PTPN4: variants seen among roughly 807,000 people sequenced by gnomAD.
The protein encoded by PTPN4 is tyrosine-protein phosphatase non-receptor type 4.
PTPN4 carries 49 observed loss-of-function variants against 135.5 expected under a neutral mutation model. The ratio of observed to expected loss-of-function variants is 0.36; its 90% CI spans 0.29 to 0.46. The LOEUF is 0.46. Ranked by LOEUF, PTPN4 falls within the 20% of genes least tolerant of loss-of-function variation. PTPN4 has a pLI of 1.00. For missense variants in PTPN4, 860 were observed against 1,101.0 expected (o/e 0.78, Z 3.10); for synonymous variants, 333 against 369.9 (o/e 0.90, Z 1.14).
chr2:119,765,874 C>T (rs2104916470), intron 1 of PTPN4, among the ~76,000 whole-genome samples: 2 of 151,690 alleles, frequency 1.3e-5, no homozygotes, highest in Middle Eastern at 6.8e-3. Context: ...ATGTCTGTCT[C>T]TGTCTGGGTG....
intron 4 of PTPN4, 44 bp from the exon 5 acceptor site, chr2:119,877,420 A>T: frequency 1.2e-6 from 2 of 1,608,260 alleles, no homozygotes; most frequent in Non-Finnish European, 1.7e-6. Flanking sequence ...AAGATAAAGG[A>T]TTAATATAGT....
At chr2:119,913,008 AT>A (rs1678596505) in intron 10 of PTPN4, among the ~76,000 whole-genome samples, 1 of 151,844 alleles carries the variant, frequency 6.6e-6, no homozygotes, top group South Asian at 2.1e-4. Context: ...TTTGTGATTG[AT>A]TTTTTTCATT....
intron 13 of PTPN4, among the ~76,000 whole-genome samples, chr2:119,929,897 G>C (rs927134597): frequency 6.6e-6 from 1 of 152,026 alleles, no homozygotes; most frequent in African/African-American, 2.4e-5. Flanking sequence ...GAAAGTAGTT[G>C]ATCTATTGAT....
At chr2:119,764,376 T>C (rs1219291286) in intron 1 of PTPN4, among the ~76,000 whole-genome samples, 1 of 152,238 alleles carries the variant, frequency 6.6e-6, no homozygotes, top group Non-Finnish European at 1.5e-5. Context: ...TTGAAGACTT[T>C]CTACCAACTT....
At chr2:119,819,423 A>G (rs754749427) in intron 2 of PTPN4, among the ~76,000 whole-genome samples, 4 of 152,214 alleles carry the variant, frequency 2.6e-5, no homozygotes, top group African/African-American at 7.2e-5. Flanking sequence ...AACGTATCTC[A>G]TTATATAATC....
At chr2:119,782,423 A>G (rs1049029127) in intron 1 of PTPN4, among the ~76,000 whole-genome samples, 5 of 152,050 alleles carry the variant, frequency 3.3e-5, no homozygotes, top group African/African-American at 1.2e-4. Flanking sequence ...CGTCTAAAAA[A>G]CGAAAAGAAA....
chr2:119,772,252 G>A (rs950253588), intron 1 of PTPN4, among the ~76,000 whole-genome samples: 3 of 152,196 alleles, frequency 2.0e-5, no homozygotes, highest in Non-Finnish European at 2.9e-5. Flanking sequence ...TCTTTGGGAA[G>A]GGATCGTGAT....
At chr2:119,913,451 T>G (rs749334702) in intron 10 of PTPN4, among the ~76,000 whole-genome samples, 1 of 152,202 alleles carries the variant, frequency 6.6e-6, no homozygotes. Context: ...TTTCAAGTAC[T>G]TATTATTGTT....
chr2:119,779,765 A>C (rs1465027127), intron 1 of PTPN4, among the ~76,000 whole-genome samples: 3 of 152,012 alleles, frequency 2.0e-5, no homozygotes, highest in African/African-American at 7.2e-5. Flanking sequence ...TTTGTTTTTG[A>C]GACACGGTCT....
intron 3 of PTPN4, among the ~76,000 whole-genome samples, chr2:119,875,139 G>C (rs7557475): frequency 0.34 from 52,231 of 151,870 alleles, 9,515 homozygotes; most frequent in African/African-American, 0.46. Flanking sequence ...TGTAGAACTT[G>C]TTTATATATT....
chr2:119,902,861 T>C (rs886977664), intron 10 of PTPN4, among the ~76,000 whole-genome samples: 1 of 152,142 alleles, frequency 6.6e-6, no homozygotes, highest in African/African-American at 2.4e-5. Context: ...GTCCACACCA[T>C]GGCATTGTTT....
chr2:119,936,922 C>G (rs1678992677), intron 15 of PTPN4, among the ~76,000 whole-genome samples: 1 of 152,052 alleles, frequency 6.6e-6, no homozygotes. Flanking sequence ...AGTTTTTAAC[C>G]TTAAGAATAA....
At chr2:119,778,805 A>G (rs1164800698) in intron 1 of PTPN4, among the ~76,000 whole-genome samples, 3 of 152,210 alleles carry the variant, frequency 2.0e-5, no homozygotes, top group Non-Finnish European at 4.4e-5. Flanking sequence ...AGTAGAGGAC[A>G]TACAAAGGAC....
At chr2:119,832,852 T>C (rs931040749) in intron 2 of PTPN4, among the ~76,000 whole-genome samples, 2 of 152,188 alleles carry the variant, frequency 1.3e-5, no homozygotes, top group Non-Finnish European at 2.9e-5. Flanking sequence ...GCACATTCCC[T>C]CTTGAATTAG....
chr2:119,960,884 T>C lies in PTPN4; in HGVS notation c.2211T>C (p.Phe737=). ...QGPLPHTCTD[F]WQMTWEQGSS... is the part of the protein sequence containing the mutation. ...CATTACCACACACTTGTACAGATTT[T>C]TGGCAGATGACTTGGGAACAAGGCT... Residue 737 remains phenylalanine (F), a synonymous_variant, in exon 23 of 27, where the codon TTT becomes TTC. Transcript: ENST00000263708. The C allele has an allele frequency of 6.2e-7, 1 of 1,614,058 alleles. No homozygotes were observed. The highest frequency in any genetic ancestry group is 1.1e-5 in the South Asian group (1 of 91,076).
At chr2:119,822,364 C>CCT (rs763569144) in intron 2 of PTPN4, among the ~76,000 whole-genome samples, 243 of 117,812 alleles carry the variant, frequency 2.1e-3, no homozygotes, top group African/African-American at 6.0e-3. Context: ...CTCCCCCCCC[C>CCT]TTTTTTTTTT....
At position 119,946,134 on chromosome 2, in the gene PTPN4, A is replaced by G. The variant is rs1247182390; in HGVS notation, c.1516-207A>G. Among the ~76,000 whole-genome samples the G allele has an allele frequency of 2.6e-5, 4 of 152,130 alleles. No homozygotes were observed. The East Asian group carries it at 7.7e-4, about 29-fold the overall frequency. ...ACTTAATAGTCTAGCATATGCTCGTAAGAATGCATGAGAGGATATATCTGG... is the reference window on the plus strand; with the variant it reads ...ACTTAATAGTCTAGCATATGCTCGTGAGAATGCATGAGAGGATATATCTGG... On this transcript the variant is annotated intron_variant, in intron 16 of 26. Coordinates refer to ENST00000263708, the MANE Select transcript of PTPN4 (RefSeq NM_002830.4).
intron 10 of PTPN4, 85 bp downstream of exon 10, chr2:119,900,891 A>AT (rs928234069): frequency 4.0e-5 from 30 of 758,334 alleles, no homozygotes; most frequent in Non-Finnish European, 5.6e-5. Context: ...CTGTTGAACT[A>AT]TTTTAATGTT....
chr2:119,769,036 A>C (rs191283462), intron 1 of PTPN4, among the ~76,000 whole-genome samples: 1 of 152,272 alleles, frequency 6.6e-6, no homozygotes, highest in East Asian at 1.9e-4. Context: ...GGTTGTATAG[A>C]TGGTAGCTGA....
Sources: allele counts gnomAD v4.1 joint callset (sites outside exome capture counted in the v4.1 genomes callset), GRCh38; gene constraint gnomAD v4.1.1; transcripts MANE v1.5; gene names NCBI Gene and HGNC (gene_info 2026-07-23, HGNC 2026-07-21).